Variants in MAMLD1 observed in about 807,000 individuals in gnomAD.
The protein encoded by MAMLD1 is mastermind like domain containing 1.
In MAMLD1, 14 loss-of-function variants were observed where a neutral mutation model predicts 45.0. The observed-to-expected ratio is 0.31, with a 90% CI of 0.21 to 0.49. The LOEUF is 0.49. Among genes scored for constraint, MAMLD1 ranks in the 20% least tolerant of loss-of-function variants. The pLI, the probability that MAMLD1 is intolerant of heterozygous loss-of-function variation, is 0.99. For synonymous variants in MAMLD1, 254 were observed against 247.8 expected (o/e 1.02, Z -0.24); for missense variants, 543 against 603.6 (o/e 0.90, Z 1.05).
chrX:150,424,001 G>T (rs182309611), intron 1 of MAMLD1, among the ~76,000 whole-genome samples: 1 of 112,452 alleles, frequency 8.9e-6, no homozygotes, highest in Non-Finnish European at 1.9e-5. Context: ...AGTCAATCAT[G>T]TGACAAGATG....
At chrX:150,371,048 G>A (rs1407599001) in intron 1 of MAMLD1, among the ~76,000 whole-genome samples, 1 of 111,008 alleles carries the variant, frequency 9.0e-6, no homozygotes, top group Non-Finnish European at 1.9e-5. Flanking sequence ...GCAAGAGGGT[G>A]GGCTCTTCAT....
rs782819175 is a variant in MAMLD1, at chrX:150,495,107, G to A, written c.2041-8167G>A. 9.0e-5 allele frequency among the ~76,000 whole-genome samples: 10 copies of A among 111,650 alleles called. No homozygotes were observed. In the South Asian group the frequency reaches 3.0e-3, roughly 33 times the overall value. On this transcript the variant is annotated intron_variant, in intron 5 of 7. Coordinates refer to ENST00000370401, the MANE Select transcript of MAMLD1 (RefSeq NM_005491.5). Reference sequence around the variant, plus strand: ...TGTAATCCTAGCTACTCAGGAGGCTGAGGCAGGAGAATCCCTTCAACCTAG... The same window carrying A: ...TGTAATCCTAGCTACTCAGGAGGCTAAGGCAGGAGAATCCCTTCAACCTAG...
intron 6 of MAMLD1, among the ~76,000 whole-genome samples, chrX:150,505,660 A>G (rs782605511): frequency 1.8e-5 from 2 of 112,178 alleles, no homozygotes; most frequent in African/African-American, 3.2e-5. Flanking sequence ...TTAACAGTCC[A>G]CTGGGAGAAG....
intron 2 of MAMLD1, among the ~76,000 whole-genome samples, chrX:150,461,235 G>A (rs782660112): frequency 1.8e-5 from 2 of 112,955 alleles, no homozygotes; most frequent in Non-Finnish European, 3.7e-5. Context: ...TGGTCCTTCT[G>A]TGCATGGGCT....
At chrX:150,478,940 G>A (rs1251976884) in intron 5 of MAMLD1, among the ~76,000 whole-genome samples, 2 of 112,088 alleles carry the variant, frequency 1.8e-5, no homozygotes, top group Non-Finnish European at 3.8e-5. Context: ...TTCGGGGACC[G>A]ATATCTCAGT....
chrX:150,438,124 T>C (rs782481997), intron 1 of MAMLD1, among the ~76,000 whole-genome samples: 5 of 112,224 alleles, frequency 4.5e-5, no homozygotes, highest in African/African-American at 1.6e-4. Context: ...TCCAGTTTTT[T>C]ACTATTATGA....
At chrX:150,402,588 C>T (rs2124520856) in intron 1 of MAMLD1, among the ~76,000 whole-genome samples, 2 of 112,032 alleles carry the variant, frequency 1.8e-5, no homozygotes, top group Admixed American at 9.4e-5. Flanking sequence ...ACCCAAAGGA[C>T]TATAAATCAT....
chrX:150,394,929 CT>C (rs1204608751), intron 1 of MAMLD1, among the ~76,000 whole-genome samples: 4 of 111,267 alleles, frequency 3.6e-5, no homozygotes, highest in Admixed American at 9.5e-5. Flanking sequence ...CTTTTGTTTC[CT>C]TTTTTTGTCT....
intron 1 of MAMLD1, among the ~76,000 whole-genome samples, chrX:150,380,819 T>C (rs141037986): frequency 0.014 from 1,589 of 110,937 alleles, 13 homozygotes; most frequent in Middle Eastern, 0.037. Context: ...GGCATAGTCA[T>C]AGTCAGTGGT....
rs12557148 is a variant in MAMLD1, at chrX:150,492,264, G to T, written c.2041-11010G>T. 5.0e-3 allele frequency among the ~76,000 whole-genome samples: 566 copies of T among 112,899 alleles called. 1 individual carries two copies. Among genetic ancestry groups the T allele is most frequent in the Non-Finnish European group, 8.3e-3 (443 of 53,313 alleles). On this transcript the variant is annotated intron_variant, in intron 5 of 7. Coordinates refer to ENST00000370401, the MANE Select transcript of MAMLD1 (RefSeq NM_005491.5). ...ACCAAGGCTGCAGGCCATTTGCAGGGCACAGCCCTGGAGGCTAAAGTGGAG... is the reference window on the plus strand; with the variant it reads ...ACCAAGGCTGCAGGCCATTTGCAGGTCACAGCCCTGGAGGCTAAAGTGGAG...
chrX:150,368,552 G>A (rs2031706622), intron 1 of MAMLD1, among the ~76,000 whole-genome samples: 1 of 111,055 alleles, frequency 9.0e-6, no homozygotes, highest in Non-Finnish European at 1.9e-5. Flanking sequence ...CTGTGCAGAA[G>A]CTCTTTAGTT....
intron 1 of MAMLD1, among the ~76,000 whole-genome samples, chrX:150,415,363 C>T (rs1225079317): frequency 2.7e-5 from 3 of 112,470 alleles, no homozygotes; most frequent in African/African-American, 9.7e-5. Flanking sequence ...AAAAGGTAAG[C>T]GTCATTAAAA....
intron 1 of MAMLD1, among the ~76,000 whole-genome samples, chrX:150,368,377 C>T (rs2124447277): frequency 9.1e-6 from 1 of 109,724 alleles, no homozygotes; most frequent in African/African-American, 3.3e-5. Context: ...AGTGTCTGTT[C>T]ATATCCTTCG....
At chrX:150,447,724 G>C (rs782367320) in intron 2 of MAMLD1, among the ~76,000 whole-genome samples, 46 of 111,330 alleles carry the variant, frequency 4.1e-4, no homozygotes, top group African/African-American at 1.4e-3. Context: ...CTTTGCAAGA[G>C]CTGGGCTTGC....
At chrX:150,441,638 C>A (rs1557404551) in intron 1 of MAMLD1, among the ~76,000 whole-genome samples, 1 of 111,552 alleles carries the variant, frequency 9.0e-6, no homozygotes. Flanking sequence ...TTGATTCCAT[C>A]ATAGAGAAAA....
chrX:150,460,583 G>A (rs1250856782), intron 2 of MAMLD1, among the ~76,000 whole-genome samples: 2 of 111,798 alleles, frequency 1.8e-5, no homozygotes, highest in Non-Finnish European at 3.8e-5. Context: ...AGGGGGGCCA[G>A]CCAGGGCGTG....
rs781904160 is a variant in MAMLD1 at position 150,394,129 on chromosome X, C to CTTTTTTTTTTTTTTTTTTTTTTTTTTTT, written c.-64+30624_-64+30625insTTTTTTTTTTTTTTTTTTTTTTTTTTTT. Among the ~76,000 whole-genome samples the CTTTTTTTTTTTTTTTTTTTTTTTTTTTT allele has an allele frequency of 1.4e-3, 17 of 12,263 alleles. 5 individuals carry two copies. The highest frequency in any genetic ancestry group is 0.011 in the East Asian group (3 of 280). 10.6% of individuals were successfully genotyped at this position (12,263 alleles called of 115,157 possible). On this transcript the variant is annotated intron_variant, in intron 1 of 7. Coordinates refer to ENST00000370401, the MANE Select transcript of MAMLD1 (RefSeq NM_005491.5). The stretch of plus-strand genomic sequence containing the variant: ...GGGGTGTAAGGTCTATATCTACATC[C>CTTTTTTTTTTTTTTTTTTTTTTTTTTTT]TTTTTTTTTTTTTTTTTTTTTTTTT...
In MAMLD1 at chrX:150,386,322, C is replaced by T. The variant is rs1225603209; in HGVS notation, c.-64+22792C>T. ...TCATGATGTTCTTTCTATTGAGGTT[C>T]TCTTCCAAAACATTGACAATCTTTC... On this transcript the variant is annotated intron_variant, in intron 1 of 7. Coordinates refer to ENST00000370401, the MANE Select transcript of MAMLD1 (RefSeq NM_005491.5). Among the ~76,000 whole-genome samples, 20 of 111,435 alleles carry T rather than the reference C, an allele frequency of 1.8e-4. 1 individual carries two copies. Among genetic ancestry groups the T allele is most frequent in the Admixed American group, 1.5e-3 (16 of 10,499 alleles).
chrX:150,422,399 A>G (rs893294851), intron 1 of MAMLD1, among the ~76,000 whole-genome samples: 3 of 111,568 alleles, frequency 2.7e-5, no homozygotes, highest in African/African-American at 6.5e-5. Flanking sequence ...TATCTGTACA[A>G]GAAGGGGATT....
Sources: allele counts gnomAD v4.1 joint callset (sites outside exome capture counted in the v4.1 genomes callset), GRCh38; gene constraint gnomAD v4.1.1; transcripts MANE v1.5; gene names NCBI Gene and HGNC (gene_info 2026-07-23, HGNC 2026-07-21).